Variants in CIC observed in about 807,000 individuals in gnomAD.
CIC encodes the protein protein capicua homolog.
A neutral mutation model predicts 115.7 loss-of-function variants in CIC; 18 were observed. That is an observed-to-expected ratio of 0.16 (90% CI 0.11 to 0.23). The LOEUF (loss-of-function observed/expected upper bound fraction) is 0.23, where lower values mean the gene tolerates loss of function less well. Among genes scored for constraint, CIC ranks in the 10% least tolerant of loss-of-function variants. CIC has a pLI of 1.00. For synonymous variants in CIC, 1,076 were observed against 923.0 expected, an observed-to-expected ratio of 1.17 and a Z score of -3.01; for missense variants, 2,000 against 2,159.3, an observed-to-expected ratio of 0.93 and a Z score of 1.46.
chr19:42,283,199 G>C (rs1313919990), intron 2 of CIC, among the ~76,000 whole-genome samples: 1 of 152,128 alleles, frequency 6.6e-6, no homozygotes, highest in Non-Finnish European at 1.5e-5. Context: ...TGACGGAGGA[G>C]TGTGTGGTTG....
Position 42,295,143 on chromosome 19 carries a change from G to GGGGGGGCCCC in CIC, c.7506_7507insGGGGGGCCCC (p.Pro2503GlyfsTer23). ...AGCCTGGCTGGGAGGGGGCTCCCCA[G>GGGGGGGCCCC]CCCTCCCCCCCACCCCCAGGTCCCT... On this transcript the variant is annotated frameshift_variant, in exon 21 of 21. Coordinates refer to ENST00000681038, the MANE Select transcript of CIC (RefSeq NM_001386298.1). LOFTEE classifies it high-confidence loss of function. The GGGGGGGCCCC allele has an allele frequency of 5.1e-6, 7 of 1,382,718 alleles. No individual in the cohort carries two copies. The highest frequency in any genetic ancestry group is 6.7e-6 in the Non-Finnish European group (7 of 1,037,808). 85.7% of individuals were successfully genotyped at this position (1,382,718 alleles called of 1,614,324 possible).
rs1432379744 is a variant in CIC, at chr19:42,294,929, C to T, written c.7292C>T (p.Ala2431Val). ...REVRQKIMQA[A>V]TPTEQPPGAE... ...GTGCGCCAGAAGATCATGCAGGCTGCCACTCCCACGGAGCAGCCCCCTGGA... is the reference window on the plus strand; with the variant it reads ...GTGCGCCAGAAGATCATGCAGGCTGTCACTCCCACGGAGCAGCCCCCTGGA... Residue 2431 changes from alanine (A) to valine (V), a missense_variant, in exon 21 of 21, where the codon GCC becomes GTC. Transcript: ENST00000681038. 2 of 1,600,414 alleles carry T rather than the reference C, an allele frequency of 1.2e-6. No homozygotes were observed. Among genetic ancestry groups the T allele is most frequent in the Non-Finnish European group, 1.7e-6 (2 of 1,179,934 alleles).
At position 42,288,921 on chromosome 19, in the gene CIC, C is replaced by T. The variant is rs747162320; in HGVS notation, c.3692C>T (p.Thr1231Ile). The T allele has an allele frequency of 3.1e-6, 5 of 1,614,140 alleles. No individual in the cohort carries two copies. The highest frequency in any genetic ancestry group is 2.5e-6 in the Non-Finnish European group (3 of 1,180,050). ...GAGCTCCTGTCCGTTGCAGCCCAGA[C>T]ACTCCTGAGCTCAGACACCAAGGCT... ...SSELLSVAAQTLLSSDTKAPG... is the reference protein window; with the variant it reads ...SSELLSVAAQILLSSDTKAPG... Residue 1231 changes from threonine (T) to isoleucine (I), a missense_variant, in exon 8 of 21, where the codon ACA (threonine) becomes ATA (isoleucine). Coordinates refer to ENST00000681038, the MANE Select transcript of CIC (RefSeq NM_001386298.1).
intron 1 of CIC, 60 bp from the exon 2 acceptor site, chr19:42,271,714 A>G (rs2036796377): frequency 5.0e-6 from 2 of 398,190 alleles, no homozygotes; most frequent in East Asian, 3.6e-5. Context: ...CTTAGGGTAC[A>G]CTGGCTCTGG....
rs763593410 is a variant in CIC at position 42,293,928 on chromosome 19, C to T, written c.6768-7C>T. On this transcript the variant is annotated splice_region_variant and splice_polypyrimidine_tract_variant and intron_variant, in intron 17 of 20. Transcript: ENST00000681038. ...AGGCGGGGGAGGTGACCCTGCCGGCCCTCCAGCAGGGTCCTGTCAGAAGTG... is the reference window on the plus strand; with the variant it reads ...AGGCGGGGGAGGTGACCCTGCCGGCTCTCCAGCAGGGTCCTGTCAGAAGTG... 8 of 1,612,906 alleles carry T rather than the reference C, an allele frequency of 5.0e-6. 1 individual carries two copies. Among genetic ancestry groups the T allele is most frequent in the Non-Finnish European group, 6.8e-6 (8 of 1,179,938 alleles).
rs1391032851 is a variant in CIC at position 42,287,076 on chromosome 19, G to T, written c.3015G>T (p.Arg1005=). 6.2e-7 allele frequency: 1 copy of T among 1,612,878 alleles called. No homozygotes were observed. The highest frequency in any genetic ancestry group is 1.3e-5 in the African/African-American group (1 of 75,010). ...GGACAGGGAGTGCTGACCCTGAGCG[G>T]CCCCCTGGAGCCACATGCCCTGAGA... The part of the protein sequence containing the change: ...PGGTGSADPE[R]PPGATCPESP... Residue 1005 remains arginine (R), a synonymous_variant, in exon 4 of 21, where the codon CGG becomes CGT. Transcript: ENST00000681038. The surrounding 1 kb of genome is among the most constrained non-coding windows in gnomAD (Gnocchi z 8.7).
intron 2 of CIC, 58 bp from the exon 3 acceptor site, chr19:42,286,713 G>A (rs1568501876): frequency 6.2e-7 from 1 of 1,611,310 alleles, no homozygotes; most frequent in South Asian, 1.1e-5. Flanking sequence ...GGAAGAGCTT[G>A]AGTTGGGGTT....
chr19:42,288,254 T>G (rs2037805348), intron 7 of CIC, among the ~76,000 whole-genome samples: 2 of 152,226 alleles, frequency 1.3e-5, no homozygotes, highest in African/African-American at 2.4e-5. Flanking sequence ...AGCTGTAGTC[T>G]GCAAAACCCC....
chr19:42,277,144 T>C (rs1235482905), intron 2 of CIC, among the ~76,000 whole-genome samples: 2 of 152,188 alleles, frequency 1.3e-5, no homozygotes, highest in African/African-American at 4.8e-5. Context: ...CCCAGGCTAG[T>C]ACCATGATTA....
rs2036725569 is a variant in CIC, at chr19:42,270,218, T to G, written c.-11+837T>G. 6.6e-6 allele frequency among the ~76,000 whole-genome samples: 1 copy of G among 152,170 alleles called. No individual in the cohort carries two copies. Among genetic ancestry groups the G allele is most frequent in the Non-Finnish European group, 1.5e-5 (1 of 68,024 alleles). ...GATGGCTGCCCAACTTCTGGGCATT[T>G]GGGTGCCAGCCCCGGGACGCCCTCC... is the stretch of plus-strand genomic sequence containing the variant. On this transcript the variant is annotated intron_variant, in intron 1 of 20. Coordinates refer to ENST00000681038, the MANE Select transcript of CIC (RefSeq NM_001386298.1). This position sits in a 1 kb window ranked among gnomAD's most constrained non-coding sequence, Gnocchi z 4.1.
chr19:42,290,165 T>A, intron 10 of CIC, 68 bp from the exon 11 acceptor site: 2 of 1,605,686 alleles, frequency 1.2e-6, no homozygotes, highest in African/African-American at 1.3e-5. Context: ...TGGATGGGCA[T>A]GGCTAGGGGG....
chr19:42,286,364 G>C (rs2037640765), intron 2 of CIC, among the ~76,000 whole-genome samples: 1 of 152,092 alleles, frequency 6.6e-6, no homozygotes, highest in African/African-American at 2.4e-5. Context: ...GCGGCGACTG[G>C]GCTGCTGGGA....
At chr19:42,288,217 T>C (rs961759198) in intron 7 of CIC, among the ~76,000 whole-genome samples, 1 of 152,256 alleles carries the variant, frequency 6.6e-6, no homozygotes, top group Non-Finnish European at 1.5e-5. Flanking sequence ...GAGTGTTTAC[T>C]ATGTGCCTGG....
rs2147355647 is a variant in CIC at position 42,294,932 on chromosome 19, C to T, written c.7295C>T (p.Thr2432Ile). The change falls in exon 21 of 21, where the codon ACT (threonine) becomes ATT (isoleucine). Residue 2432 changes from threonine to isoleucine, a missense_variant. This residue lies in a region of CIC where 133 missense variants were observed against 116.0 expected (regional missense o/e 1.15). Transcript: ENST00000681038. ...EVRQKIMQAA[T>I]PTEQPPGAEA... ...CGCCAGAAGATCATGCAGGCTGCCA[C>T]TCCCACGGAGCAGCCCCCTGGAGCT... 3 of 1,600,448 alleles carry T rather than the reference C, an allele frequency of 1.9e-6. No individual in the cohort carries two copies. The highest frequency in any genetic ancestry group is 2.5e-6 in the Non-Finnish European group (3 of 1,179,942).
chr19:42,294,510 TA>T (rs2038375577), intron 19 of CIC, 93 bp from the exon 20 acceptor site: 2 of 1,588,806 alleles, frequency 1.3e-6, no homozygotes, highest in Non-Finnish European at 1.7e-6. Flanking sequence ...CCCTGTGAAA[TA>T]GAATGCAGTG....
At position 42,290,368 on chromosome 19, in the gene CIC, T is replaced by C; in HGVS notation, c.4327T>C (p.Ser1443Pro). 6.2e-7 allele frequency: 1 copy of C among 1,613,852 alleles called. No individual in the cohort carries two copies. The highest frequency in any genetic ancestry group is 8.5e-7 in the Non-Finnish European group (1 of 1,179,922). ...CAAAGGCTATGGTTCCGCCCCATCCTCCTCTGCGTCCTCGCCTGCTTCCTC... is the reference window on the plus strand; with the variant it reads ...CAAAGGCTATGGTTCCGCCCCATCCCCCTCTGCGTCCTCGCCTGCTTCCTC... ...FGKGYGSAPS[S>P]SASSPASSSA... The change falls in exon 11 of 21, where the codon TCC becomes CCC. Residue 1443 changes from serine (S) to proline (P), a missense_variant. Ser to Pro is a moderately conservative substitution (Grantham distance 74). Transcript: ENST00000681038.
rs776147153 is a variant in CIC, at chr19:42,290,564, G to C, written c.4523G>C (p.Arg1508Pro). 1 of 1,613,598 alleles carries C rather than the reference G, an allele frequency of 6.2e-7. No homozygotes were observed. The highest frequency in any genetic ancestry group is 8.5e-7 in the Non-Finnish European group (1 of 1,179,920). ...RFLPMDPATF[R>P]RKRPESVGGL... ...CTCCCAATGGATCCTGCCACCTTCC[G>C]GCGCAAGAGACCCGAAAGTGTGGGT... Residue 1508 changes from arginine to proline, a missense_variant, in exon 11 of 21, where the codon CGG becomes CCG. By Grantham distance (103) the Arg-to-Pro change is moderately radical. Around this residue, in one of 8 missense-constraint regions of CIC, gnomAD observed 1,466 missense variants for 1,390.4 expected, o/e 1.05. Transcript: ENST00000681038.
intron 19 of CIC, 112 bp downstream of exon 19, chr19:42,294,416 A>G: frequency 1.3e-6 from 2 of 1,560,876 alleles, no homozygotes; most frequent in Non-Finnish European, 1.7e-6. Context: ...GCTGGGAGGA[A>G]GCACAGCCTG....
At chr19:42,277,867 A>C (rs955250885) in intron 2 of CIC, among the ~76,000 whole-genome samples, 4 of 152,220 alleles carry the variant, frequency 2.6e-5, no homozygotes, top group Non-Finnish European at 5.9e-5. Context: ...AGGTTCCTGA[A>C]CAGCCTGCCC....
Sources: allele counts gnomAD v4.1 joint callset (sites outside exome capture counted in the v4.1 genomes callset), GRCh38; gene constraint gnomAD v4.1.1; regional missense constraint gnomAD v4.1.1; non-coding constraint Gnocchi (gnomAD v3.1); transcripts MANE v1.5; gene names NCBI Gene and HGNC (gene_info 2026-07-23, HGNC 2026-07-21).